Variants in PCNX2 observed in about 807,000 individuals in gnomAD.
PCNX2 encodes pecanex 2.
In PCNX2, 168 loss-of-function variants were observed where a neutral mutation model predicts 223.8. That is an observed-to-expected ratio of 0.75 (90% confidence interval 0.66 to 0.85). The LOEUF (loss-of-function observed/expected upper bound fraction) is 0.85, where lower values mean the gene tolerates loss of function less well. PCNX2 is among the 40% of genes least tolerant of loss of function. The pLI, the probability that PCNX2 is intolerant of heterozygous loss-of-function variation, is 0.00. For missense variants in PCNX2, 2,507 were observed against 2,675.5 expected, an observed-to-expected ratio of 0.94 and a Z score of 1.39; for synonymous variants, 1,006 against 1,052.6, an observed-to-expected ratio of 0.96 and a Z score of 0.86.
chr1:233,252,270 C>A, intron 7 of PCNX2, 84 bp downstream of exon 7: 1 of 1,439,788 alleles, frequency 6.9e-7, no homozygotes, highest in South Asian at 1.4e-5. Flanking sequence ...AAGTCTAGTA[C>A]TCATGCTAAG....
At chr1:233,093,956 T>C (rs1198716332) in intron 22 of PCNX2, among the ~76,000 whole-genome samples, 3 of 152,208 alleles carry the variant, frequency 2.0e-5, no homozygotes, top group Admixed American at 2.0e-4. Context: ...GCTGTCTTTA[T>C]TCTTATAGGA....
chr1:233,038,035 A>C (rs2102853825), intron 25 of PCNX2, among the ~76,000 whole-genome samples: 1 of 152,338 alleles, frequency 6.6e-6, no homozygotes, highest in Non-Finnish European at 1.5e-5. Context: ...TTCTCAAAAG[A>C]GACTATTCTT....
rs930538672 is a variant in PCNX2 at position 232,990,198 on chromosome 1, G to T, written c.5792-3658C>A. ...GGCCTGCTGGGAATGGCAGGTAGGT[G>T]GTTTCCGCAAAGTGTCCCGGGCAGG... On this transcript the variant is annotated intron_variant, in intron 32 of 33. Transcript: ENST00000258229. This position sits in a 1 kb window ranked among gnomAD's most constrained non-coding sequence, Gnocchi z 4.3. Among the ~76,000 whole-genome samples, 21 of 152,236 alleles carry T rather than the reference G, an allele frequency of 1.4e-4. No individual in the cohort carries two copies. Among genetic ancestry groups the T allele is most frequent in the Admixed American group, 1.3e-3 (20 of 15,280 alleles).
At chr1:233,319,258 A>G in the PCNX2 span, among the ~76,000 whole-genome samples, 2 of 152,136 alleles carry the variant, frequency 1.3e-5, no homozygotes, top group Non-Finnish European at 2.9e-5. Flanking sequence ...ACTGAAGCTG[A>G]ATTTGTAAAC....
At chr1:233,003,676 C>A (rs959279858) in intron 28 of PCNX2, among the ~76,000 whole-genome samples, 39 of 152,168 alleles carry the variant, frequency 2.6e-4, no homozygotes, top group African/African-American at 9.4e-4. Flanking sequence ...GATTATAAAT[C>A]ATTCCACTAT....
chr1:233,310,263 G>A, the PCNX2 span, among the ~76,000 whole-genome samples: 1 of 152,062 alleles, frequency 6.6e-6, no homozygotes, highest in South Asian at 2.1e-4. Context: ...CTCAAAACCT[G>A]TTGGTTCAAA....
chr1:233,242,723 A>G (rs1262616382), intron 8 of PCNX2, among the ~76,000 whole-genome samples: 1 of 152,216 alleles, frequency 6.6e-6, no homozygotes, highest in Non-Finnish European at 1.5e-5. Context: ...TCTGCACTCA[A>G]AAACACATTT....
intron 1 of PCNX2, among the ~76,000 whole-genome samples, chr1:233,275,052 AT>A (rs371356101): frequency 3.3e-5 from 5 of 152,212 alleles, no homozygotes; most frequent in Admixed American, 3.3e-4. Flanking sequence ...ACATATACTG[AT>A]TTTTCTATAA....
chr1:233,323,128 A>G, the PCNX2 span, among the ~76,000 whole-genome samples: 1 of 152,130 alleles, frequency 6.6e-6, no homozygotes, highest in African/African-American at 2.4e-5. Flanking sequence ...GTGGCACCAG[A>G]ACTCATTTGG....
chr1:233,250,903 A>T (rs1161744653), intron 7 of PCNX2, 71 bp from the exon 8 acceptor site: 29 of 1,459,544 alleles, frequency 2.0e-5, no homozygotes, highest in Non-Finnish European at 2.3e-5. Flanking sequence ...AACTTATACA[A>T]TTTTCAAGTT....
chr1:233,020,251 A>T (rs1670832347), intron 26 of PCNX2, among the ~76,000 whole-genome samples: 1 of 152,228 alleles, frequency 6.6e-6, no homozygotes, highest in African/African-American at 2.4e-5. Context: ...CAGCACCGAC[A>T]CTTCTCACTG....
chr1:233,046,414 G>T (rs1467839572), intron 25 of PCNX2, among the ~76,000 whole-genome samples: 1 of 152,274 alleles, frequency 6.6e-6, no homozygotes, highest in Non-Finnish European at 1.5e-5. Context: ...ACATAAAACA[G>T]AACAGCCATT....
At chr1:233,287,697 C>A (rs1661524568) in intron 1 of PCNX2, among the ~76,000 whole-genome samples, 1 of 152,134 alleles carries the variant, frequency 6.6e-6, no homozygotes, top group African/African-American at 2.4e-5. Flanking sequence ...GACTAATATG[C>A]CCACATTGTA....
In PCNX2 at chr1:232,986,142, C is replaced by A; in HGVS notation, c.6190G>T (p.Val2064Phe). 1 of 1,570,886 alleles carries A rather than the reference C, an allele frequency of 6.4e-7. No homozygotes were observed. Among genetic ancestry groups the A allele is most frequent in the East Asian group, 2.3e-5 (1 of 42,650 alleles). Residue 2064 changes from valine to phenylalanine, a missense_variant, in exon 33 of 34, where the codon GTC (valine) becomes TTC (phenylalanine). Val to Phe is a conservative substitution (Grantham distance 50). Coordinates refer to ENST00000258229, the MANE Select transcript of PCNX2 (RefSeq NM_014801.4). ...NTSDTQSSSS[V>F]NIVMGPSARA... ...GCTGAGGGGCCCATCACGATGTTGACGCTGCTGGATGACTGGGTGTCACTG... is the reference window on the plus strand; with the variant it reads ...GCTGAGGGGCCCATCACGATGTTGAAGCTGCTGGATGACTGGGTGTCACTG...
At chr1:233,115,504 G>C (rs1489052461) in intron 21 of PCNX2, among the ~76,000 whole-genome samples, 1 of 152,200 alleles carries the variant, frequency 6.6e-6, no homozygotes, top group African/African-American at 2.4e-5. Context: ...AACTCTTAGA[G>C]TAACATAAAT....
chr1:233,130,788 C>G (rs1016148282), intron 21 of PCNX2, among the ~76,000 whole-genome samples: 4 of 151,590 alleles, frequency 2.6e-5, no homozygotes, highest in Admixed American at 2.6e-4. Flanking sequence ...CGGCACCCCC[C>G]CCTTTTTTTT....
rs532727123 is a variant in PCNX2 at position 232,987,152 on chromosome 1, C to T, written c.5792-612G>A. Reference sequence around the variant, plus strand: ...AGGCCTGGGCCTTGCTTCCCATGCTCTTCTCAGCCAGCCCCTTTGCCCACT... The same window carrying T: ...AGGCCTGGGCCTTGCTTCCCATGCTTTTCTCAGCCAGCCCCTTTGCCCACT... On this transcript the variant is annotated intron_variant, in intron 32 of 33. Transcript: ENST00000258229. Among the ~76,000 whole-genome samples the T allele has an allele frequency of 9.8e-5, 15 of 152,376 alleles. No homozygotes were observed. The East Asian group carries it at 2.5e-3, about 25-fold the overall frequency.
At chr1:233,069,361 C>A (rs964204993) in intron 23 of PCNX2, among the ~76,000 whole-genome samples, 21 of 152,196 alleles carry the variant, frequency 1.4e-4, no homozygotes, top group Admixed American at 6.5e-4. Context: ...CCATCATTAC[C>A]TATTCAACAT....
At chr1:233,152,762 G>A (rs1677892881) in intron 19 of PCNX2, among the ~76,000 whole-genome samples, 1 of 152,130 alleles carries the variant, frequency 6.6e-6, no homozygotes, top group African/African-American at 2.4e-5. Context: ...AGCCTCCCAA[G>A]GCACAAAGTC....
Sources: allele counts gnomAD v4.1 joint callset (sites outside exome capture counted in the v4.1 genomes callset), GRCh38; gene constraint gnomAD v4.1.1; non-coding constraint Gnocchi (gnomAD v3.1); transcripts MANE v1.5; gene names NCBI Gene and HGNC (gene_info 2026-07-23, HGNC 2026-07-21).